Variants in WDR87 observed in about 807,000 individuals in gnomAD.
WDR87 encodes the protein WD repeat domain 87.
A neutral mutation model predicts 83.3 loss-of-function variants in WDR87; 56 were observed. The observed-to-expected ratio is 0.67, with a 90% CI of 0.54 to 0.84. The LOEUF is 0.84. WDR87 is among the 40% of genes least tolerant of loss of function. The pLI is 0.00. For missense variants in WDR87, 2,939 were observed against 3,431.9 expected, an observed-to-expected ratio of 0.86 and a Z score of 3.59; for synonymous variants, 1,173 against 1,250.6, an observed-to-expected ratio of 0.94 and a Z score of 1.31.
intron 4 of WDR87, among the ~76,000 whole-genome samples, chr19:37,892,191 G>A (rs1314901356): frequency 1.3e-5 from 2 of 152,118 alleles, no homozygotes; most frequent in African/African-American, 2.4e-5. Context: ...CCAGGAGTTC[G>A]AGACCAGCCT....
At chr19:37,903,898 CTTTTTTG>C (rs1414918639) in intron 1 of WDR87, among the ~76,000 whole-genome samples, 2 of 151,762 alleles carry the variant, frequency 1.3e-5, no homozygotes, top group Non-Finnish European at 2.9e-5. Flanking sequence ...ATTAAACAAC[CTTTTTTG>C]TTTTTTGTTT....
Position 37,887,325 on chromosome 19 carries a change from A to C in WDR87, c.6346T>G (p.Leu2116Val). Residue 2116 changes from leucine (L) to valine (V), a missense_variant, in exon 6 of 6, where the codon TTA (leucine) becomes GTA (valine). Physicochemically the swap from Leu to Val is conservative, Grantham distance 32. Around this residue, in one of 3 missense-constraint regions of WDR87, gnomAD observed 2,160 missense variants for 2,533.1 expected, o/e 0.85. Transcript: ENST00000447313. The stretch of plus-strand genomic sequence containing the variant: ...CTGGTTAGTTTTTGAAGTGCCTTTA[A>C]GATTTTGTTCAGTTTTGCTGGTTCC... ...SKEPAKLNKI[L>V]KALQKLTRDE... The C allele has an allele frequency of 6.4e-7, 1 of 1,551,374 alleles. No homozygotes were observed. Among genetic ancestry groups the C allele is most frequent in the Non-Finnish European group, 8.7e-7 (1 of 1,146,928 alleles).
intron 1 of WDR87, among the ~76,000 whole-genome samples, chr19:37,904,148 C>G (rs1011970324): frequency 6.6e-6 from 1 of 152,014 alleles, no homozygotes; most frequent in Non-Finnish European, 1.5e-5. Flanking sequence ...GTGATCCACC[C>G]GCCTCGGCCT....
At position 37,894,473 on chromosome 19, in the gene WDR87, G is replaced by T; in HGVS notation, c.1230C>A (p.Asp410Glu). 6.4e-7 allele frequency: 1 copy of T among 1,551,708 alleles called. No individual in the cohort carries two copies. The highest frequency in any genetic ancestry group is 8.7e-7 in the Non-Finnish European group (1 of 1,147,004). The change falls in exon 4 of 6, where the codon GAC becomes GAA. Residue 410 changes from aspartate to glutamate, a missense_variant. Physicochemically the swap from Asp to Glu is conservative, Grantham distance 45 (BLOSUM62 2). This residue lies in a region of WDR87 where 553 missense variants were observed against 577.9 expected (regional missense o/e 0.96). Coordinates refer to ENST00000447313, the MANE Select transcript of WDR87 (RefSeq NM_001291088.2). ...LVITWPFSILDQAVDWAYDPG... is the reference protein window; with the variant it reads ...LVITWPFSILEQAVDWAYDPG... ...GGTCGTAGGCCCAATCCACAGCCTGGTCCAGGATTGAGAAGGGCCAGGTGA... is the reference window on the plus strand; with the variant it reads ...GGTCGTAGGCCCAATCCACAGCCTGTTCCAGGATTGAGAAGGGCCAGGTGA...
At position 37,896,284 on chromosome 19, in the gene WDR87, A is replaced by G. The variant is rs919884700; in HGVS notation, c.100T>C (p.Cys34Arg). 5 of 1,551,740 alleles carry G rather than the reference A, an allele frequency of 3.2e-6. No homozygotes were observed. Among genetic ancestry groups the G allele is most frequent in the Non-Finnish European group, 4.4e-6 (5 of 1,147,028 alleles). Residue 34 changes from cysteine to arginine, a missense_variant, in exon 3 of 6, where the codon TGC becomes CGC. By Grantham distance (180) the Cys-to-Arg change is radical (BLOSUM62 -3). Around this residue, in one of 3 missense-constraint regions of WDR87, gnomAD observed 226 missense variants for 320.9 expected, o/e 0.70. Coordinates refer to ENST00000447313, the MANE Select transcript of WDR87 (RefSeq NM_001291088.2). ...SKQPSEDPKN[C>R]LIVLSDRSQV... is the part of the protein sequence containing the mutation. ...GACCGGTCACTCAGCACAATCAGGC[A>G]GTTCTTTGGGTCTTCCGAAGGTTGC...
rs751206848 is a variant in WDR87, at chr19:37,898,141, G to A, written c.75+24C>T. On this transcript the variant is annotated intron_variant, in intron 2 of 5. Transcript: ENST00000447313. ...ACAGGTAGCAGCCAACCTATAATAT[G>A]TTTATGTCCTACATATACATTACCT... The A allele has an allele frequency of 3.2e-6, 5 of 1,551,092 alleles. No individual in the cohort carries two copies. The South Asian group carries it at 4.8e-5, about 15-fold the overall frequency.
Position 37,894,067 on chromosome 19 carries a change from C to G in WDR87, c.1636G>C (p.Val546Leu). 6.4e-7 allele frequency: 1 copy of G among 1,552,174 alleles called. No homozygotes were observed. Among genetic ancestry groups the G allele is most frequent in the African/African-American group, 1.4e-5 (1 of 73,172 alleles). Residue 546 changes from valine (V) to leucine (L), a missense_variant, in exon 4 of 6, where the codon GTA (valine) becomes CTA (leucine). Physicochemically the swap from Val to Leu is conservative, Grantham distance 32. This residue lies in a region of WDR87 where 553 missense variants were observed against 577.9 expected (regional missense o/e 0.96). Coordinates refer to ENST00000447313, the MANE Select transcript of WDR87 (RefSeq NM_001291088.2). ...ATGCTGGCGAGAGGCCGCAGTTGTA[C>G]TTTGACCCCATCAAGCACAGCTTCT... ...LSEAVLDGVK[V>L]QLRPLASILS...
upstream of WDR87, chr19:37,906,653 C>T (rs1382953046): frequency 1.3e-5 from 2 of 151,752 alleles, no homozygotes; most frequent in Non-Finnish European, 2.9e-5. Flanking sequence ...GCGGACTTCC[C>T]GAGGCCAGGG....
Position 37,885,019 on chromosome 19 carries a change from C to A in WDR87, c.8652G>T (p.Gly2884=). ...TILPVGIARY[G]ILELAWKSLP... Reference sequence around the variant, plus strand: ...GGCTCTTCCAGGCAAGTTCTAAGATCCCATACCGGGCAATGCCCACGGGAA... The same window carrying A: ...GGCTCTTCCAGGCAAGTTCTAAGATACCATACCGGGCAATGCCCACGGGAA... The change falls in exon 6 of 6, where the codon GGG becomes GGT. Residue 2884 remains glycine, a synonymous_variant. Transcript: ENST00000447313. 7.0e-7 allele frequency: 1 copy of A among 1,430,566 alleles called. No individual in the cohort carries two copies. Among genetic ancestry groups the A allele is most frequent in the Non-Finnish European group, 9.2e-7 (1 of 1,089,274 alleles). 88.6% of individuals were successfully genotyped at this position (1,430,566 alleles called of 1,614,324 possible). A position where few individuals can be genotyped will look rare whatever the true frequency, so the allele number is the denominator to read the frequency against.
rs1356672087 is a variant in WDR87 at position 37,888,973 on chromosome 19, A to G, written c.4698T>C (p.Asn1566=). 5.2e-6 allele frequency: 8 copies of G among 1,550,922 alleles called. No homozygotes were observed. Among genetic ancestry groups the G allele is most frequent in the Non-Finnish European group, 7.0e-6 (8 of 1,146,954 alleles). Residue 1566 remains asparagine, a synonymous_variant, in exon 6 of 6, where the codon AAT becomes AAC. Transcript: ENST00000447313. ...KWEEWKQVWE[N]MLSSKSKEQQ... The stretch of plus-strand genomic sequence containing the variant: ...GCTCCTTGGACTTAGATGATAACAT[A>G]TTTTCCCAGACTTGTTTCCACTCCT...
chr19:37,891,814 C>T lies in WDR87; in HGVS notation c.3132G>A (p.Gln1044=). The part of the protein sequence containing the change: ...KQETFREMQQ[Q]MIGEEPLDHL... ...GGTCCAGGGGTTCCTCCCCGATCAT[C>T]TGCTGCCTATGAAAGTCAAAGGAGA... Residue 1044 remains glutamine (Q), a synonymous_variant, in exon 5 of 6, where the codon CAG becomes CAA. Transcript: ENST00000447313. 1 of 1,551,700 alleles carries T rather than the reference C, an allele frequency of 6.4e-7. No individual in the cohort carries two copies. Among genetic ancestry groups the T allele is most frequent in the Non-Finnish European group, 8.7e-7 (1 of 1,146,862 alleles).
At position 37,888,244 on chromosome 19, in the gene WDR87, C is replaced by T; in HGVS notation, c.5427G>A (p.Leu1809=). The T allele has an allele frequency of 1.3e-6, 2 of 1,552,098 alleles. No individual in the cohort carries two copies. The highest frequency in any genetic ancestry group is 1.7e-6 in the Non-Finnish European group (2 of 1,147,094). The change falls in exon 6 of 6, where the codon CTG becomes CTA. Residue 1809 remains leucine, a synonymous_variant. Transcript: ENST00000447313. Reference sequence around the variant, plus strand: ...GGATCAGCAACTCTTCTTCCTGGGCCAGTTTTGTCTCTTCTTCAGACAGTT... The same window carrying T: ...GGATCAGCAACTCTTCTTCCTGGGCTAGTTTTGTCTCTTCTTCAGACAGTT... ...REKLSEEETK[L]AQEEELLIQE... is the part of the protein sequence containing the mutation.
chr19:37,898,556 G>A (rs1248708988), intron 1 of WDR87, among the ~76,000 whole-genome samples: 1 of 152,208 alleles, frequency 6.6e-6, no homozygotes, highest in East Asian at 1.9e-4. Flanking sequence ...ATATGGGTGA[G>A]AGAACCAGAG....
chr19:37,888,185 T>G lies in WDR87; in HGVS notation c.5486A>C (p.Lys1829Thr). The change falls in exon 6 of 6, where the codon AAA becomes ACA. Residue 1829 changes from lysine (K) to threonine (T), a missense_variant. By Grantham distance (78) the Lys-to-Thr change is moderately conservative. Around this residue, in one of 3 missense-constraint regions of WDR87, gnomAD observed 2,160 missense variants for 2,533.1 expected, o/e 0.85. Coordinates refer to ENST00000447313, the MANE Select transcript of WDR87 (RefSeq NM_001291088.2). Reference sequence around the variant, plus strand: ...CAGTCTTTCCTCTTCCTCAGGCATTTTTTCCTTGTGCTGGGCCAGTTTCTC... The same window carrying G: ...CAGTCTTTCCTCTTCCTCAGGCATTGTTTCCTTGTGCTGGGCCAGTTTCTC... ...EKEKLAQHKE[K>T]MPEEEERLGR... is the part of the protein sequence containing the mutation. 6.4e-7 allele frequency: 1 copy of G among 1,552,188 alleles called. No individual in the cohort carries two copies. The highest frequency in any genetic ancestry group is 8.7e-7 in the Non-Finnish European group (1 of 1,147,118).
At position 37,898,253 on chromosome 19, in the gene WDR87, C is replaced by T. The variant is rs1334856947; in HGVS notation, c.-14G>A. 2.6e-6 allele frequency: 4 copies of T among 1,551,072 alleles called. No homozygotes were observed. The highest frequency in any genetic ancestry group is 1.4e-5 in the African/African-American group (1 of 73,004). ...GGGGGAAGACATCACCGTCAGACTC[C>T]CTTGGCCCTCCTGAGGACTGTTGCT... On this transcript the variant is annotated 5_prime_UTR_variant, in exon 2 of 6. Coordinates refer to ENST00000447313, the MANE Select transcript of WDR87 (RefSeq NM_001291088.2).
chr19:37,900,367 C>A (rs1198295715), intron 1 of WDR87, among the ~76,000 whole-genome samples: 1 of 151,878 alleles, frequency 6.6e-6, no homozygotes, highest in Non-Finnish European at 1.5e-5. Context: ...CAAGAACCAG[C>A]CTGGCCAACA....
rs2145426683 is a variant in WDR87, at chr19:37,891,574, G to T, written c.3372C>A (p.Gly1124=). 2 of 1,552,128 alleles carry T rather than the reference G, an allele frequency of 1.3e-6. No homozygotes were observed. Among genetic ancestry groups the T allele is most frequent in the African/African-American group, 1.4e-5 (1 of 73,120 alleles). Residue 1124 remains glycine (G), a synonymous_variant, in exon 5 of 6, where the codon GGC becomes GGA. Transcript: ENST00000447313. Reference sequence around the variant, plus strand: ...TACTATGCTTTTTGACCCCTGCTTGGCCTCGTCTTTGGCCTTTGCTGGGCT... The same window carrying T: ...TACTATGCTTTTTGACCCCTGCTTGTCCTCGTCTTTGGCCTTTGCTGGGCT... ...AIKPSKGQRR[G]QAGVKKHSQK...
chr19:37,905,461 A>AAAAGT (rs113184950), intron 1 of WDR87, among the ~76,000 whole-genome samples: 1 of 151,492 alleles, frequency 6.6e-6, no homozygotes, highest in African/African-American at 2.4e-5. Context: ...AAGAAAAAAA[A>AAAAGT]AAGTAAATAA....
chr19:37,898,910 G>A (rs73027472), intron 1 of WDR87, among the ~76,000 whole-genome samples: 37,740 of 152,090 alleles, frequency 0.25, 5,931 homozygotes, highest in Non-Finnish European at 0.36. Flanking sequence ...AACTTCATCC[G>A]TTTAGAGAAA....
Sources: gnomAD v4.1 joint callset for allele counts (sites outside exome capture counted in the v4.1 genomes callset) on GRCh38, gnomAD v4.1.1 for gene constraint, gnomAD v4.1.1 regional missense constraint, MANE v1.5 for transcripts, NCBI Gene and HGNC (gene_info 2026-07-23, HGNC 2026-07-21) for gene names.